ZEB1: variants seen among roughly 807,000 people sequenced by gnomAD.
ZEB1 encodes the protein zinc finger E-box-binding homeobox 1.
A neutral mutation model predicts 84.9 loss-of-function variants in ZEB1; 21 were observed. The ratio of observed to expected loss-of-function variants is 0.25; its 90% CI spans 0.18 to 0.36. The LOEUF (loss-of-function observed/expected upper bound fraction) is 0.36. Among genes scored for constraint, ZEB1 ranks in the 10% least tolerant of loss-of-function variants. ZEB1 has a pLI of 1.00. For synonymous variants in ZEB1, 420 were observed against 471.1 expected, an observed-to-expected ratio of 0.89 and a Z score of 1.41; for missense variants, 1,104 against 1,330.2, an observed-to-expected ratio of 0.83 and a Z score of 2.65.
At position 31,520,259 on chromosome 10, in the gene ZEB1, A is replaced by C. The variant is rs1420140660; in HGVS notation, c.927A>C (p.Thr309=). The C allele has an allele frequency of 6.2e-7, 1 of 1,613,994 alleles. No homozygotes were observed. The highest frequency in any genetic ancestry group is 1.1e-5 in the South Asian group (1 of 91,084). The change falls in exon 7 of 9, where the codon ACA becomes ACC. Residue 309 remains threonine (T), a synonymous_variant. Coordinates refer to ENST00000424869, the MANE Select transcript of ZEB1 (RefSeq NM_001174096.2). The surrounding 1 kb of genome is among the most constrained non-coding windows in gnomAD (Gnocchi z 5.1). ...GGCGACCAAGAACAGGACTCAAGACATCTCAGTGTTCTTCACCGTCTCTTT... is the reference window on the plus strand; with the variant it reads ...GGCGACCAAGAACAGGACTCAAGACCTCTCAGTGTTCTTCACCGTCTCTTT... ...VNGRPRTGLK[T]SQCSSPSLSA... is the part of the protein sequence containing the mutation.
At chr10:31,513,619 GA>G (rs1269227441) in intron 5 of ZEB1, among the ~76,000 whole-genome samples, 1 of 152,186 alleles carries the variant, frequency 6.6e-6, no homozygotes, top group Non-Finnish European at 1.5e-5. Flanking sequence ...AAGGAAGGGA[GA>G]TTCCAGCTGG....
chr10:31,324,684 T>G (rs1373557220), intron 1 of ZEB1, among the ~76,000 whole-genome samples: 1 of 152,036 alleles, frequency 6.6e-6, no homozygotes, highest in Non-Finnish European at 1.5e-5. Context: ...TATTTCTAAT[T>G]GAGATATAAG....
chr10:31,324,690 A>G (rs375222993), intron 1 of ZEB1, among the ~76,000 whole-genome samples: 180 of 152,222 alleles, frequency 1.2e-3, no homozygotes, highest in African/African-American at 4.2e-3. Context: ...TAATTGAGAT[A>G]TAAGCTAAAA....
At chr10:31,425,995 A>G (rs561660896) in intron 1 of ZEB1, among the ~76,000 whole-genome samples, 11 of 152,312 alleles carry the variant, frequency 7.2e-5, no homozygotes, top group African/African-American at 2.6e-4. Context: ...TTGGAGTACC[A>G]TGGTACTTTG....
intron 2 of ZEB1, 103 bp downstream of exon 2, chr10:31,461,340 T>A: frequency 1.6e-6 from 2 of 1,245,606 alleles, no homozygotes; most frequent in Non-Finnish European, 2.3e-6. Context: ...AAATCAATAG[T>A]AAATTTGGCT....
intron 1 of ZEB1, among the ~76,000 whole-genome samples, chr10:31,376,245 A>G (rs569317020): frequency 6.6e-6 from 1 of 151,830 alleles, no homozygotes; most frequent in Admixed American, 6.6e-5. Flanking sequence ...GTGGCTTATG[A>G]TATTATAAAA....
chr10:31,520,413 G>C lies in ZEB1; in HGVS notation c.1081G>C (p.Val361Leu), dbSNP rs1223279175. ...GGATTATGAATTCAAACCCATAGTG[G>C]TTGCTTCAGGAATCAACTGTTCAAC... ...PVDYEFKPIV[V>L]ASGINCSTPL... Residue 361 changes from valine (V) to leucine (L), a missense_variant, in exon 7 of 9, where the codon GTT becomes CTT. Transcript: ENST00000424869. The surrounding 1 kb of genome is among the most constrained non-coding windows in gnomAD (Gnocchi z 5.1). 1.9e-6 allele frequency: 3 copies of C among 1,613,908 alleles called. No homozygotes were observed. Among genetic ancestry groups the C allele is most frequent in the South Asian group, 2.2e-5 (2 of 91,072 alleles).
intron 4 of ZEB1, among the ~76,000 whole-genome samples, chr10:31,507,898 T>TGAAAAA (rs1231053818): frequency 6.6e-6 from 1 of 152,174 alleles, no homozygotes; most frequent in African/African-American, 2.4e-5. Context: ...CCTTCCTTTT[T>TGAAAAA]CATGTTTCTT....
intron 1 of ZEB1, among the ~76,000 whole-genome samples, chr10:31,426,461 A>G (rs533537689): frequency 6.6e-6 from 1 of 152,294 alleles, no homozygotes; most frequent in Admixed American, 6.5e-5. Flanking sequence ...AGACAGTTTT[A>G]TATCGGTAAC....
chr10:31,459,319 A>G (rs1329020835), intron 1 of ZEB1, among the ~76,000 whole-genome samples: 1 of 152,152 alleles, frequency 6.6e-6, no homozygotes, highest in Non-Finnish European at 1.5e-5. Context: ...ACACATTTGT[A>G]TATAGGTGAT....
intron 1 of ZEB1, among the ~76,000 whole-genome samples, chr10:31,338,012 G>A (rs1326312944): frequency 1.3e-5 from 2 of 152,018 alleles, no homozygotes; most frequent in Admixed American, 6.6e-5. Context: ...CCCTGGTTGT[G>A]TGATACTCCA....
intron 1 of ZEB1, among the ~76,000 whole-genome samples, chr10:31,455,424 A>G: frequency 6.6e-6 from 1 of 152,122 alleles, no homozygotes; most frequent in Non-Finnish European, 1.5e-5. Flanking sequence ...GATCTAATTA[A>G]ACTAAAGAGC....
At chr10:31,478,352 A>G (rs2064549524) in intron 2 of ZEB1, among the ~76,000 whole-genome samples, 1 of 152,042 alleles carries the variant, frequency 6.6e-6, no homozygotes, top group African/African-American at 2.4e-5. Flanking sequence ...TCAGAAAACA[A>G]CAGATGTTGG....
intron 3 of ZEB1, among the ~76,000 whole-genome samples, chr10:31,496,425 A>G (rs1257743236): frequency 6.6e-6 from 1 of 152,132 alleles, no homozygotes; most frequent in Admixed American, 6.6e-5. Flanking sequence ...TAAAAAGTAC[A>G]TATTCCCTGA....
At chr10:31,486,776 T>C (rs1427127370) in intron 2 of ZEB1, among the ~76,000 whole-genome samples, 2 of 151,574 alleles carry the variant, frequency 1.3e-5, no homozygotes, top group Non-Finnish European at 3.0e-5. Flanking sequence ...ACAAAAGTTT[T>C]AATTGAGATT....
At chr10:31,322,810 T>C (rs2034481145) in intron 1 of ZEB1, among the ~76,000 whole-genome samples, 2 of 152,114 alleles carry the variant, frequency 1.3e-5, no homozygotes, top group Non-Finnish European at 2.9e-5. Context: ...ATTAATTCTC[T>C]TTAGATGGAA....
intron 5 of ZEB1, 114 bp downstream of exon 5, chr10:31,510,989 T>A: frequency 1.0e-6 from 1 of 974,602 alleles, no homozygotes; most frequent in South Asian, 1.4e-5. Context: ...TAAACAGTGC[T>A]ATATCTGCAG....
At chr10:31,459,828 G>GGAGT (rs1239743187) in intron 1 of ZEB1, among the ~76,000 whole-genome samples, 1 of 103,744 alleles carries the variant, frequency 9.6e-6, no homozygotes, top group African/African-American at 4.0e-5. Flanking sequence ...CGTGTTCTCA[G>GGAGT]GAGTGTGTGT....
intron 1 of ZEB1, chr10:31,321,613 C>G: frequency 6.2e-7 from 1 of 1,605,118 alleles, no homozygotes; most frequent in Non-Finnish European, 8.5e-7. Flanking sequence ...TTTCTTGTTG[C>G]TGACGACATG....
Sources: allele counts gnomAD v4.1 joint callset (sites outside exome capture counted in the v4.1 genomes callset), GRCh38; gene constraint gnomAD v4.1.1; non-coding constraint Gnocchi (gnomAD v3.1); transcripts MANE v1.5; gene names NCBI Gene and HGNC (gene_info 2026-07-23, HGNC 2026-07-21).